Variants in PHRF1 observed in about 807,000 individuals in gnomAD.
PHRF1 encodes the protein PHD and ring finger domains 1.
PHRF1 carries 53 observed loss-of-function variants against 128.9 expected under a neutral mutation model. The ratio of observed to expected loss-of-function variants is 0.41; its 90% CI spans 0.33 to 0.52. The LOEUF (loss-of-function observed/expected upper bound fraction) is 0.52. Among genes scored for constraint, PHRF1 ranks in the 20% least tolerant of loss-of-function variants. The pLI, the probability that PHRF1 is intolerant of heterozygous loss-of-function variation, is 0.21. For missense variants in PHRF1, 2,503 were observed against 2,284.5 expected, an observed-to-expected ratio of 1.10 and a Z score of -1.95; for synonymous variants, 1,178 against 980.6, an observed-to-expected ratio of 1.20 and a Z score of -3.76.
At position 607,660 on chromosome 11, in the gene PHRF1, G is replaced by GC. The variant is rs752158638; in HGVS notation, c.2205dup (p.Arg736GlnfsTer40). The stretch of plus-strand genomic sequence containing the variant: ...ACACGGGCAGAGAGCGAGGCCAGCA[G>GC]CAGGGTGCCCCGGGAGCCCGGGGTG... On this transcript the variant is annotated frameshift_variant, in exon 14 of 18. Transcript: ENST00000264555. LOFTEE classifies it high-confidence loss of function. 1 of 1,610,762 alleles carries GC rather than the reference G, an allele frequency of 6.2e-7. No homozygotes were observed. Among genetic ancestry groups the GC allele is most frequent in the Non-Finnish European group, 8.5e-7 (1 of 1,178,706 alleles).
Position 609,181 on chromosome 11 carries a change from C to T in PHRF1, c.3725C>T (p.Ala1242Val). ...VATADKAPLQ[A>V]PPVLEVAAEC... ...ACGGCCGACAAGGCCCCCCTGCAGG[C>T]TCCCCCTGTCCTGGAGGTGGCAGCT... Residue 1242 changes from alanine to valine, a missense_variant, in exon 14 of 18, where the codon GCT becomes GTT. Ala to Val is a moderately conservative substitution (Grantham distance 64). Transcript: ENST00000264555. The T allele has an allele frequency of 6.2e-7, 1 of 1,607,072 alleles. No individual in the cohort carries two copies. Among genetic ancestry groups the T allele is most frequent in the Admixed American group, 1.7e-5 (1 of 60,018 alleles).
chr11:602,537 C>G (rs983898779), intron 10 of PHRF1, among the ~76,000 whole-genome samples: 4 of 151,914 alleles, frequency 2.6e-5, no homozygotes, highest in Non-Finnish European at 5.9e-5. Flanking sequence ...TAAAAATTAG[C>G]TGGGTGTGGT....
chr11:601,814 G>A, intron 10 of PHRF1, 113 bp downstream of exon 10: 1 of 1,330,034 alleles, frequency 7.5e-7, no homozygotes, highest in Non-Finnish European at 1.0e-6. Context: ...CGGTTATGGA[G>A]CAGGGATCAT....
At chr11:601,770 G>A in intron 10 of PHRF1, 69 bp downstream of exon 10, 1 of 1,590,988 alleles carries the variant, frequency 6.3e-7, no homozygotes, top group Non-Finnish European at 8.6e-7. Flanking sequence ...ACGGAGCAGG[G>A]CCTAAGCCTC....
Position 597,628 on chromosome 11 carries a change from G to T in PHRF1, c.894+58G>T. On this transcript the variant is annotated intron_variant, in intron 8 of 17. Coordinates refer to ENST00000264555, the MANE Select transcript of PHRF1 (RefSeq NM_001286581.2). This position sits in a 1 kb window ranked among gnomAD's most constrained non-coding sequence, Gnocchi z 6.5. ...ACCCCAGCTGCCCAGAGTGATCTCGGCAGTCTGGGTGGGTGGGAGGGGCGT... is the reference window on the plus strand; with the variant it reads ...ACCCCAGCTGCCCAGAGTGATCTCGTCAGTCTGGGTGGGTGGGAGGGGCGT... The T allele has an allele frequency of 6.5e-7, 1 of 1,527,056 alleles. No individual in the cohort carries two copies. Among genetic ancestry groups the T allele is most frequent in the South Asian group, 1.2e-5 (1 of 83,146 alleles). 94.6% of individuals were successfully genotyped at this position (1,527,056 alleles called of 1,614,324 possible). A position where few individuals can be genotyped will look rare whatever the true frequency, so the allele number is the denominator to read the frequency against.
intron 3 of PHRF1, among the ~76,000 whole-genome samples, chr11:584,727 A>AC (rs1854419426): frequency 7.9e-6 from 1 of 126,066 alleles, no homozygotes; most frequent in Non-Finnish European, 1.7e-5. Flanking sequence ...TTTCTCCAGG[A>AC]CCTTTTTTTT....
At chr11:593,890 G>A (rs1297100899) in intron 6 of PHRF1, among the ~76,000 whole-genome samples, 4 of 152,172 alleles carry the variant, frequency 2.6e-5, no homozygotes, top group Non-Finnish European at 5.9e-5. Flanking sequence ...TGTTTTGTGA[G>A]TTTCCTGAGT....
In PHRF1 at chr11:584,514, G is replaced by T. The variant is rs138267517; in HGVS notation, c.214+2433G>T. Among the ~76,000 whole-genome samples, 155 of 152,236 alleles carry T rather than the reference G, an allele frequency of 1.0e-3. 5 individuals carry two copies. In the East Asian group the frequency reaches 0.027, roughly 27 times the overall value. The stretch of plus-strand genomic sequence containing the variant: ...GGGGCAGGCTCCATGGACCTGGGGT[G>T]GGGAGAGGCTTCTGGAGAATCCAAG... On this transcript the variant is annotated intron_variant, in intron 3 of 17. Transcript: ENST00000264555.
chr11:585,940 C>T (rs1854528002), intron 3 of PHRF1, among the ~76,000 whole-genome samples: 1 of 152,144 alleles, frequency 6.6e-6, no homozygotes, highest in Non-Finnish European at 1.5e-5. Flanking sequence ...AGGCTCACTG[C>T]AACCTCTGCT....
At chr11:602,179 C>T (rs533462447) in intron 10 of PHRF1, among the ~76,000 whole-genome samples, 10 of 152,278 alleles carry the variant, frequency 6.6e-5, no homozygotes, top group Admixed American at 2.0e-4. Flanking sequence ...TGGTATACGT[C>T]GTGGCGTTTG....
chr11:583,308 G>C (rs1160742336), intron 3 of PHRF1, among the ~76,000 whole-genome samples: 2 of 152,204 alleles, frequency 1.3e-5, no homozygotes, highest in East Asian at 1.9e-4. Flanking sequence ...CTGCACTCCA[G>C]CCTGGGCAAC....
chr11:578,949 A>C (rs187412799), intron 1 of PHRF1, among the ~76,000 whole-genome samples: 80 of 151,912 alleles, frequency 5.3e-4, no homozygotes, highest in Non-Finnish European at 8.1e-4. Context: ...TGCCAGGTTC[A>C]AGCAATTCTC....
intron 1 of PHRF1, among the ~76,000 whole-genome samples, chr11:577,496 T>C (rs1328471024): frequency 6.6e-6 from 1 of 152,244 alleles, no homozygotes; most frequent in African/African-American, 2.4e-5. Context: ...TTCTTTCTTA[T>C]TGGAAGAATG....
At chr11:594,368 A>T (rs372101312) in intron 6 of PHRF1, among the ~76,000 whole-genome samples, 10 of 152,356 alleles carry the variant, frequency 6.6e-5, no homozygotes, top group African/African-American at 2.4e-4. Flanking sequence ...GGCAGCTGGT[A>T]GGCCAGTTTT....
chr11:604,173 C>G (rs1855811763), intron 10 of PHRF1, among the ~76,000 whole-genome samples: 1 of 152,232 alleles, frequency 6.6e-6, no homozygotes, highest in Non-Finnish European at 1.5e-5. Context: ...TGCCCTGAGC[C>G]TGGGTTGGAA....
chr11:593,902 C>T (rs1370453937), intron 6 of PHRF1, among the ~76,000 whole-genome samples: 2 of 152,158 alleles, frequency 1.3e-5, no homozygotes, highest in African/African-American at 2.4e-5. Context: ...TTCCTGAGTG[C>T]TCTGCCCTGA....
At chr11:611,123 G>A (rs372017656) in intron 17 of PHRF1, 41 bp downstream of exon 17, 10 of 1,605,998 alleles carry the variant, frequency 6.2e-6, no homozygotes, top group African/African-American at 4.1e-5. Context: ...TCGGGGTCAC[G>A]GGCGGTACGT....
intron 9 of PHRF1, among the ~76,000 whole-genome samples, chr11:599,683 C>T (rs2062269767): frequency 6.6e-6 from 1 of 152,186 alleles, no homozygotes; most frequent in South Asian, 2.1e-4. Context: ...CACCAGCAGC[C>T]CTGTGGCCAT....
At position 587,361 on chromosome 11, in the gene PHRF1, A is replaced by G; in HGVS notation, c.317A>G (p.Glu106Gly). 6.2e-7 allele frequency: 1 copy of G among 1,613,882 alleles called. No individual in the cohort carries two copies. The highest frequency in any genetic ancestry group is 1.3e-5 in the African/African-American group (1 of 75,066). ...TCTTTCAATTCTGATGATGATGCAG[A>G]GAGCTGCCCAATCTGTCTCAACGCA... ...AGSFNSDDDA[E>G]SCPICLNAFR... The change falls in exon 4 of 18, where the codon GAG becomes GGG. Residue 106 changes from glutamate to glycine, a missense_variant. By Grantham distance (98) the Glu-to-Gly change is moderately conservative. Transcript: ENST00000264555.
Sources: allele counts gnomAD v4.1 joint callset (sites outside exome capture counted in the v4.1 genomes callset), GRCh38; gene constraint gnomAD v4.1.1; non-coding constraint Gnocchi (gnomAD v3.1); transcripts MANE v1.5; gene names NCBI Gene and HGNC (gene_info 2026-07-23, HGNC 2026-07-21).